Variants in TANGO6 observed in about 807,000 individuals in gnomAD.
TANGO6 encodes transport and Golgi organization protein 6 homolog.
Under a neutral mutation model 114.2 loss-of-function variants are expected in TANGO6, and 90 were observed. That is an observed-to-expected ratio of 0.79 (90% confidence interval 0.66 to 0.94). The LOEUF is 0.94. TANGO6 is among the 40% of genes least tolerant of loss of function. The probability of loss-of-function intolerance (pLI) is 0.00; values close to 1 mark genes in which losing one functional copy is unlikely to be tolerated. For missense variants in TANGO6, 1,274 were observed against 1,315.3 expected (o/e 0.97, Z 0.49); for synonymous variants, 477 against 509.8 (o/e 0.94, Z 0.87).
intron 15 of TANGO6, among the ~76,000 whole-genome samples, chr16:69,008,101 T>G (rs1964110838): frequency 6.6e-6 from 1 of 152,102 alleles, no homozygotes; most frequent in Non-Finnish European, 1.5e-5. Context: ...TTTCACTTTT[T>G]TTAAAAAAAA....
chr16:69,018,468 A>G (rs1002217444), intron 15 of TANGO6, among the ~76,000 whole-genome samples: 2 of 151,378 alleles, frequency 1.3e-5, no homozygotes, highest in Admixed American at 6.6e-5. Flanking sequence ...TAAATGCAAT[A>G]TATCATAGGA....
At chr16:69,042,218 C>T (rs901996447) in intron 17 of TANGO6, among the ~76,000 whole-genome samples, 3 of 152,136 alleles carry the variant, frequency 2.0e-5, no homozygotes, top group African/African-American at 7.2e-5. Context: ...CTAATAGTGA[C>T]ACAAAGGAAT....
chr16:68,980,247 T>C (rs1963811590), intron 15 of TANGO6, among the ~76,000 whole-genome samples: 1 of 151,390 alleles, frequency 6.6e-6, no homozygotes, highest in Non-Finnish European at 1.5e-5. Context: ...ATTTTCTTTT[T>C]CATTTTGTTT....
At chr16:69,078,728 T>G (rs1960423747) in intron 17 of TANGO6, among the ~76,000 whole-genome samples, 1 of 152,194 alleles carries the variant, frequency 6.6e-6, no homozygotes, top group South Asian at 2.1e-4. Flanking sequence ...TATACGTTTC[T>G]GTATTTTATT....
chr16:69,082,667 C>T (rs1960483309), intron 17 of TANGO6, among the ~76,000 whole-genome samples: 1 of 152,102 alleles, frequency 6.6e-6, no homozygotes, highest in Admixed American at 6.6e-5. Flanking sequence ...ATTGCTTGAA[C>T]CCTGGAGGCA....
intron 15 of TANGO6, among the ~76,000 whole-genome samples, chr16:68,988,403 C>T (rs1043598255): frequency 8.5e-5 from 13 of 152,202 alleles, no homozygotes; most frequent in Non-Finnish European, 1.6e-4. Flanking sequence ...GCTGGCTCCT[C>T]CCCCACTAAC....
chr16:68,875,736 T>C (rs377020718), intron 5 of TANGO6, among the ~76,000 whole-genome samples: 3 of 145,538 alleles, frequency 2.1e-5, no homozygotes, highest in African/African-American at 5.2e-5. Flanking sequence ...GCCATTACAC[T>C]CCAGCCTGGG....
chr16:69,076,916 G>C (rs1036303603), intron 17 of TANGO6, among the ~76,000 whole-genome samples: 1 of 152,142 alleles, frequency 6.6e-6, no homozygotes, highest in Non-Finnish European at 1.5e-5. Context: ...AGAATCGCTT[G>C]AACACAGGAG....
chr16:68,979,800 T>C (rs1045906716), intron 15 of TANGO6, among the ~76,000 whole-genome samples: 2 of 151,982 alleles, frequency 1.3e-5, no homozygotes, highest in African/African-American at 4.8e-5. Flanking sequence ...GAATTACATA[T>C]TCTAGTCCGT....
In TANGO6 at chr16:68,860,121, G is replaced by T. The variant is rs199965791; in HGVS notation, c.332G>T (p.Arg111Leu). 2.5e-6 allele frequency: 4 copies of T among 1,613,958 alleles called. No homozygotes were observed. Among genetic ancestry groups the T allele is most frequent in the Non-Finnish European group, 3.4e-6 (4 of 1,179,892 alleles). Reference sequence around the variant, plus strand: ...TTGTGCTTGAAGGAAACCATGATCCGCCTTGCAGCTAATTTCAATCCAGGT... The same window carrying T: ...TTGTGCTTGAAGGAAACCATGATCCTCCTTGCAGCTAATTTCAATCCAGGT... ...LLLCLKETMI[R>L]LAANFNPGKP... is the part of the protein sequence containing the mutation. The change falls in exon 2 of 18, where the codon CGC becomes CTC. Residue 111 changes from arginine to leucine, a missense_variant. Arg to Leu is a moderately radical substitution (Grantham distance 102, BLOSUM62 -2). Around this residue, in one of 5 missense-constraint regions of TANGO6, gnomAD observed 908 missense variants for 910.2 expected, o/e 1.00. Coordinates refer to ENST00000261778, the MANE Select transcript of TANGO6 (RefSeq NM_024562.2).
chr16:68,925,894 TAA>T (rs373147736), intron 12 of TANGO6, among the ~76,000 whole-genome samples: 8 of 138,726 alleles, frequency 5.8e-5, no homozygotes, highest in Non-Finnish European at 7.9e-5. Flanking sequence ...TTGTTCCAAT[TAA>T]AAAAAAAAAA....
intron 14 of TANGO6, among the ~76,000 whole-genome samples, chr16:68,953,050 T>TTTTATTATTATTA (rs1555525236): frequency 1.4e-5 from 2 of 139,212 alleles, no homozygotes; most frequent in Non-Finnish European, 3.1e-5. Context: ...ACAGGTATTT[T>TTTTATTATTATTA]TTATTATTAT....
chr16:69,001,690 A>G (rs1414667329), intron 15 of TANGO6, among the ~76,000 whole-genome samples: 3 of 152,204 alleles, frequency 2.0e-5, no homozygotes, highest in Admixed American at 2.0e-4. Context: ...CTAGATTCCT[A>G]AAAAGAAAGG....
At chr16:68,883,068 G>A (rs963454584) in intron 7 of TANGO6, among the ~76,000 whole-genome samples, 2 of 152,038 alleles carry the variant, frequency 1.3e-5, no homozygotes, top group Non-Finnish European at 2.9e-5. Flanking sequence ...GTGGTGGCAC[G>A]TGCCTGTAAT....
At chr16:68,983,756 G>A (rs1014044292) in intron 15 of TANGO6, among the ~76,000 whole-genome samples, 13 of 152,210 alleles carry the variant, frequency 8.5e-5, no homozygotes, top group South Asian at 2.1e-4. Context: ...TTGTAGGGCC[G>A]GGCGCGGTGG....
chr16:69,043,527 G>T (rs1205989555), intron 17 of TANGO6, among the ~76,000 whole-genome samples: 1 of 152,142 alleles, frequency 6.6e-6, no homozygotes, highest in Non-Finnish European at 1.5e-5. Flanking sequence ...TCTCTAGTCT[G>T]CACTCACTGA....
chr16:69,071,297 C>G (rs1960294543), intron 17 of TANGO6, among the ~76,000 whole-genome samples: 1 of 152,224 alleles, frequency 6.6e-6, no homozygotes, highest in Admixed American at 6.5e-5. Flanking sequence ...TTTAACGCCT[C>G]TGACACAATG....
chr16:68,900,386 C>G, intron 7 of TANGO6, 48 bp from the exon 8 acceptor site: 1 of 1,523,792 alleles, frequency 6.6e-7, no homozygotes, highest in South Asian at 1.1e-5. Context: ...TCCCGTTGCT[C>G]TGGCCAGGCA....
chr16:68,941,273 A>T (rs1241872222), intron 14 of TANGO6, among the ~76,000 whole-genome samples: 11 of 152,162 alleles, frequency 7.2e-5, no homozygotes, highest in Non-Finnish European at 1.5e-4. Flanking sequence ...CTTAAGAGAA[A>T]TTTTTTTTAA....
Sources: gnomAD v4.1 joint callset for allele counts (sites outside exome capture counted in the v4.1 genomes callset) on GRCh38, gnomAD v4.1.1 for gene constraint, gnomAD v4.1.1 regional missense constraint, MANE v1.5 for transcripts, NCBI Gene and HGNC (gene_info 2026-07-23, HGNC 2026-07-21) for gene names.